Variants in PDE3A observed in about 807,000 individuals in gnomAD.
The protein encoded by PDE3A is cGMP-inhibited 3',5'-cyclic phosphodiesterase 3A.
Under a neutral mutation model 98.3 loss-of-function variants are expected in PDE3A, and 43 were observed. That is an observed-to-expected ratio of 0.44 (90% confidence interval 0.34 to 0.56). The LOEUF (loss-of-function observed/expected upper bound fraction) is 0.56, where lower values mean the gene tolerates loss of function less well. Ranked by LOEUF, PDE3A falls within the 20% of genes least tolerant of loss-of-function variation. The pLI is 0.01. For synonymous variants in PDE3A, 663 were observed against 567.9 expected, an observed-to-expected ratio of 1.17 and a Z score of -2.38; for missense variants, 1,427 against 1,440.7, an observed-to-expected ratio of 0.99 and a Z score of 0.15.
At chr12:20,549,045 G>T (rs1331542108) in intron 1 of PDE3A, among the ~76,000 whole-genome samples, 1 of 151,946 alleles carries the variant, frequency 6.6e-6, no homozygotes, top group Non-Finnish European at 1.5e-5. Flanking sequence ...CTATGGTTCT[G>T]TTTAATAGGA....
chr12:20,612,945 G>A (rs988130114), intron 2 of PDE3A, among the ~76,000 whole-genome samples: 10 of 151,746 alleles, frequency 6.6e-5, no homozygotes, highest in Non-Finnish European at 1.2e-4. Context: ...GAGTTTTTTT[G>A]TGTCTATCTC....
chr12:20,432,320 G>T (rs1422070906), intron 1 of PDE3A, among the ~76,000 whole-genome samples: 1 of 152,178 alleles, frequency 6.6e-6, no homozygotes, highest in Non-Finnish European at 1.5e-5. Context: ...GAAATGGGGA[G>T]GTGTTAGTCA....
chr12:20,644,716 G>A (rs777607259), intron 10 of PDE3A, among the ~76,000 whole-genome samples: 1 of 151,904 alleles, frequency 6.6e-6, no homozygotes, highest in African/African-American at 2.4e-5. Flanking sequence ...TAATGAAATT[G>A]CTCTTTCAAG....
rs578086037 is a variant in PDE3A at position 20,681,657 on chromosome 12, T to C, written c.*1386T>C. On this transcript the variant is annotated 3_prime_UTR_variant, in exon 16 of 16. Coordinates refer to ENST00000359062, the MANE Select transcript of PDE3A (RefSeq NM_000921.5). ...CGGCAGTCTGGCCCATTGTCAGTCA[T>C]GCTTCTTCTGGCCGGGGAGATTATA... 1 of 152,324 alleles carries C rather than the reference T, an allele frequency of 6.6e-6. No individual in the cohort carries two copies. The highest frequency in any genetic ancestry group is 1.5e-5 in the Non-Finnish European group (1 of 68,024). 9.4% of individuals were successfully genotyped at this position (152,324 alleles called of 1,614,324 possible). A position where few individuals can be genotyped will look rare whatever the true frequency, so the allele number is the denominator to read the frequency against.
At position 20,370,048 on chromosome 12, in the gene PDE3A, T is replaced by A. The variant is rs1441704250; in HGVS notation, c.764T>A (p.Val255Glu). Reference protein sequence around the residue: ...GVLGILLARYVEQILPQSAEA... With the variant: ...GVLGILLARYEEQILPQSAEA... ...CTGGGGATCCTCTTGGCCAGGTACG[T>A]GGAACAAATCTTGCCGCAGTCCGCG... The change falls in exon 1 of 16, where the codon GTG becomes GAG. Residue 255 changes from valine to glutamate, a missense_variant. Transcript: ENST00000359062. 6.8e-6 allele frequency: 11 copies of A among 1,612,678 alleles called. No homozygotes were observed. Among genetic ancestry groups the A allele is most frequent in the African/African-American group, 2.7e-5 (2 of 74,916 alleles).
At chr12:20,616,146 A>T in intron 3 of PDE3A, 84 bp from the exon 4 acceptor site, 1 of 1,248,652 alleles carries the variant, frequency 8.0e-7, no homozygotes, top group Non-Finnish European at 1.1e-6. Flanking sequence ...ACTTCTAATT[A>T]AAAGCTTGTT....
intron 1 of PDE3A, among the ~76,000 whole-genome samples, chr12:20,485,872 G>A (rs765115879): frequency 2.6e-5 from 4 of 152,146 alleles, no homozygotes; most frequent in Non-Finnish European, 5.9e-5. Flanking sequence ...AAACAAAACT[G>A]TAAATCCAAT....
At chr12:20,498,587 C>T (rs10841555) in intron 1 of PDE3A, among the ~76,000 whole-genome samples, 41,409 of 151,916 alleles carry the variant, frequency 0.27, 6,594 homozygotes, top group East Asian at 0.42. Context: ...CTTGAGCATC[C>T]CTGGATTTTG....
At chr12:20,569,163 T>A (rs147687926) in intron 2 of PDE3A, among the ~76,000 whole-genome samples, 1 of 152,072 alleles carries the variant, frequency 6.6e-6, no homozygotes, top group Non-Finnish European at 1.5e-5. Flanking sequence ...CCAAATATGC[T>A]AACTTTGGTA....
At chr12:20,473,359 A>G (rs1420628657) in intron 1 of PDE3A, among the ~76,000 whole-genome samples, 1 of 152,144 alleles carries the variant, frequency 6.6e-6, no homozygotes, top group African/African-American at 2.4e-5. Flanking sequence ...AATCTAATTC[A>G]GTAGATTAGA....
chr12:20,492,249 G>A (rs189426274), intron 1 of PDE3A, among the ~76,000 whole-genome samples: 1 of 152,132 alleles, frequency 6.6e-6, no homozygotes, highest in Admixed American at 6.5e-5. Flanking sequence ...CTCACAAAGT[G>A]CTGGGATTAC....
At chr12:20,454,397 A>C (rs1945119267) in intron 1 of PDE3A, among the ~76,000 whole-genome samples, 1 of 152,168 alleles carries the variant, frequency 6.6e-6, no homozygotes, top group Non-Finnish European at 1.5e-5. Context: ...TTACCAGCTG[A>C]CATGTTATTG....
intron 1 of PDE3A, among the ~76,000 whole-genome samples, chr12:20,464,362 T>G (rs527596777): frequency 6.6e-6 from 1 of 152,364 alleles, no homozygotes; most frequent in Non-Finnish European, 1.5e-5. Flanking sequence ...TATATTCACT[T>G]AACAAGGTTC....
chr12:20,374,130 A>G (rs566908354), intron 1 of PDE3A, among the ~76,000 whole-genome samples: 5 of 152,254 alleles, frequency 3.3e-5, no homozygotes, highest in East Asian at 1.9e-4. Flanking sequence ...AAAATTAATT[A>G]ATGTCAATTT....
At chr12:20,401,238 A>G (rs770696024) in intron 1 of PDE3A, among the ~76,000 whole-genome samples, 2 of 152,176 alleles carry the variant, frequency 1.3e-5, no homozygotes, top group Non-Finnish European at 2.9e-5. Flanking sequence ...TGCCATCTGA[A>G]TATTAATTTA....
intron 1 of PDE3A, among the ~76,000 whole-genome samples, chr12:20,397,591 A>G (rs900274399): frequency 6.6e-6 from 1 of 152,096 alleles, no homozygotes; most frequent in Non-Finnish European, 1.5e-5. Flanking sequence ...TTAATATAGC[A>G]TAATTAGCAA....
Position 20,458,751 on chromosome 12 carries a change from A to C in PDE3A, c.960+88507A>C, listed in dbSNP as rs11045261. Among the ~76,000 whole-genome samples, 1,186 of 152,260 alleles carry C rather than the reference A, an allele frequency of 7.8e-3. 21 individuals are homozygous for C. The highest frequency in any genetic ancestry group is 0.027 in the African/African-American group (1,140 of 41,544). On this transcript the variant is annotated intron_variant, in intron 1 of 15. Coordinates refer to ENST00000359062, the MANE Select transcript of PDE3A (RefSeq NM_000921.5). ...GTCCTTCCTGAGAGTCAGAAACATAAGATTCAGAAACACAGAGCTATTCCA... is the reference window on the plus strand; with the variant it reads ...GTCCTTCCTGAGAGTCAGAAACATACGATTCAGAAACACAGAGCTATTCCA...
chr12:20,495,045 T>C (rs1298350433), intron 1 of PDE3A, among the ~76,000 whole-genome samples: 4 of 152,184 alleles, frequency 2.6e-5, no homozygotes, highest in Non-Finnish European at 5.9e-5. Context: ...ATAGTGTCTG[T>C]CTAAAATCAT....
At chr12:20,480,168 G>C (rs1042542246) in intron 1 of PDE3A, among the ~76,000 whole-genome samples, 11 of 152,168 alleles carry the variant, frequency 7.2e-5, no homozygotes, top group Non-Finnish European at 1.5e-4. Flanking sequence ...TGCAAAGTTT[G>C]AGTATTTGAT....
Sources: gnomAD v4.1 joint callset for allele counts (sites outside exome capture counted in the v4.1 genomes callset) on GRCh38, gnomAD v4.1.1 for gene constraint, MANE v1.5 for transcripts, NCBI Gene and HGNC (gene_info 2026-07-23, HGNC 2026-07-21) for gene names.